DPP8: variants seen among roughly 807,000 people sequenced by gnomAD.
DPP8 encodes the protein dipeptidyl peptidase 8, also known as DPP VIII.
Under a neutral mutation model 107.5 loss-of-function variants are expected in DPP8, and 31 were observed. That is an observed-to-expected ratio of 0.29 (90% confidence interval 0.22 to 0.39). The LOEUF (loss-of-function observed/expected upper bound fraction) is 0.39. DPP8 is among the 10% of genes least tolerant of loss of function. The probability of loss-of-function intolerance (pLI) is 1.00; values close to 1 mark genes in which losing one functional copy is unlikely to be tolerated. For missense variants in DPP8, 842 were observed against 1,076.1 expected (o/e 0.78, Z 3.04); for synonymous variants, 381 against 356.6 (o/e 1.07, Z -0.77).
intron 15 of DPP8, among the ~76,000 whole-genome samples, chr15:65,463,325 G>C (rs1188318542): frequency 6.6e-6 from 1 of 152,134 alleles, no homozygotes; most frequent in East Asian, 1.9e-4. Context: ...GGTCACTTGA[G>C]GTCAGGAGTT....
chr15:65,485,015 A>T, intron 8 of DPP8, 84 bp downstream of exon 8: 1 of 1,120,954 alleles, frequency 8.9e-7, no homozygotes, highest in South Asian at 1.3e-5. Context: ...AAGTCCAAAA[A>T]TAAAAAAGTG....
chr15:65,497,087 AT>A (rs2068682047), intron 5 of DPP8, among the ~76,000 whole-genome samples: 1 of 152,024 alleles, frequency 6.6e-6, no homozygotes, highest in Non-Finnish European at 1.5e-5. Flanking sequence ...ACAGGGTTTC[AT>A]CACGTTGGCC....
At chr15:65,475,060 G>T (rs906539440) in intron 11 of DPP8, among the ~76,000 whole-genome samples, 3 of 151,216 alleles carry the variant, frequency 2.0e-5, no homozygotes, top group African/African-American at 7.3e-5. Context: ...TTTTCTTTTT[G>T]TAAAACTTTC....
chr15:65,463,401 G>A (rs1389402394), intron 15 of DPP8, among the ~76,000 whole-genome samples: 2 of 152,138 alleles, frequency 1.3e-5, no homozygotes, highest in Non-Finnish European at 2.9e-5. Context: ...AATTAGCTGG[G>A]CATGGTGATG....
intron 19 of DPP8, among the ~76,000 whole-genome samples, chr15:65,448,597 G>A (rs1345961784): frequency 2.7e-5 from 4 of 147,192 alleles, no homozygotes; most frequent in Non-Finnish European, 4.5e-5. Flanking sequence ...GCGTGAACCC[G>A]GGAGGCGGAG....
rs190936948 is a variant in DPP8, at chr15:65,486,425, G to A, written c.955+1265C>T. Reference sequence around the variant, plus strand: ...CAAAAACAAAAAACAAAAATTAGCCGCACCAGGCTGGTCGAGCTACTCAGG... The same window carrying A: ...CAAAAACAAAAAACAAAAATTAGCCACACCAGGCTGGTCGAGCTACTCAGG... On this transcript the variant is annotated intron_variant, in intron 7 of 19. Coordinates refer to ENST00000300141, the MANE Select transcript of DPP8 (RefSeq NM_130434.5). 5.9e-4 allele frequency among the ~76,000 whole-genome samples: 90 copies of A among 151,652 alleles called. 1 individual carries two copies. The highest frequency in any genetic ancestry group is 2.1e-3 in the African/African-American group (86 of 41,390).
chr15:65,456,535 T>G (rs1011873866), intron 15 of DPP8, among the ~76,000 whole-genome samples, 164 bp from the exon 16 acceptor site: 4 of 152,236 alleles, frequency 2.6e-5, no homozygotes, highest in Non-Finnish European at 5.9e-5. Context: ...GTTTATTTGC[T>G]TCTTGCTTAA....
intron 3 of DPP8, among the ~76,000 whole-genome samples, chr15:65,504,752 T>C (rs968799463): frequency 1.0e-4 from 14 of 135,660 alleles, no homozygotes; most frequent in Middle Eastern, 9.3e-3. Context: ...AAGGTCAAGG[T>C]GGGAGGATCG....
chr15:65,493,416 C>T (rs1345684966), intron 5 of DPP8, among the ~76,000 whole-genome samples: 1 of 152,116 alleles, frequency 6.6e-6, no homozygotes, highest in Admixed American at 6.6e-5. Flanking sequence ...TACCATAATA[C>T]ATTATGTAAT....
At chr15:65,470,042 C>T (rs1459299319) in intron 12 of DPP8, among the ~76,000 whole-genome samples, 2 of 150,824 alleles carry the variant, frequency 1.3e-5, no homozygotes, top group African/African-American at 4.9e-5. Flanking sequence ...GTTAAAAACA[C>T]AAAAATTAGC....
At chr15:65,507,010 A>T (rs182120958) in intron 3 of DPP8, among the ~76,000 whole-genome samples, 1 of 152,160 alleles carries the variant, frequency 6.6e-6, no homozygotes, top group Non-Finnish European at 1.5e-5. Context: ...TACAAAGTTT[A>T]TGAAGGGAAA....
intron 10 of DPP8, among the ~76,000 whole-genome samples, chr15:65,479,797 T>C (rs386765): frequency 0.062 from 8,934 of 143,044 alleles, 266 homozygotes; most frequent in African/African-American, 0.089. Context: ...TGAGCCGAGA[T>C]TGCACCACTG....
intron 15 of DPP8, among the ~76,000 whole-genome samples, chr15:65,462,830 C>T (rs796680732): frequency 1.3e-5 from 2 of 152,190 alleles, no homozygotes; most frequent in South Asian, 2.1e-4. Context: ...CTGCCCACCT[C>T]GGCCTCCCAA....
intron 10 of DPP8, among the ~76,000 whole-genome samples, chr15:65,479,716 C>T (rs2066724580): frequency 6.6e-6 from 1 of 151,506 alleles, no homozygotes; most frequent in South Asian, 2.1e-4. Flanking sequence ...CGGTGGCGGG[C>T]GCCTGTAGTC....
chr15:65,490,182 C>A lies in DPP8; in HGVS notation c.826+7G>T. The A allele has an allele frequency of 7.1e-7, 1 of 1,417,336 alleles. No individual in the cohort carries two copies. The highest frequency in any genetic ancestry group is 1.1e-5 in the South Asian group (1 of 87,060). 87.8% of individuals were successfully genotyped at this position (1,417,336 alleles called of 1,614,324 possible). A position where few individuals can be genotyped will look rare whatever the true frequency, so the allele number is the denominator to read the frequency against. On this transcript the variant is annotated splice_region_variant and intron_variant, in intron 6 of 19. Transcript: ENST00000300141. ...GACCCATAATATATTATTTTGAACC[C>A]CCTTACTTGTTTCAGCTTTTGGACA... is the stretch of plus-strand genomic sequence containing the variant.
intron 14 of DPP8, among the ~76,000 whole-genome samples, chr15:65,464,310 C>A (rs1328911813): frequency 6.6e-6 from 1 of 151,954 alleles, no homozygotes; most frequent in Non-Finnish European, 1.5e-5. Context: ...TTGCAGTGAG[C>A]TGAGATCACG....
rs776891633 is a variant in DPP8, at chr15:65,474,195, A to G, written c.1536+14T>C. The G allele has an allele frequency of 1.2e-5, 19 of 1,580,130 alleles. No homozygotes were observed. Among genetic ancestry groups the G allele is most frequent in the Middle Eastern group, 1.7e-4 (1 of 6,022 alleles). On this transcript the variant is annotated intron_variant, in intron 12 of 19. Transcript: ENST00000300141. ...AATACTGACCAAACATATCAGTAGA[A>G]TAAAATAACATACATTAGATCCATG...
Position 65,450,896 on chromosome 15 carries a change from G to A in DPP8, c.2526+103C>T, listed in dbSNP as rs1044363416. 9.8e-6 allele frequency: 7 copies of A among 715,134 alleles called. No homozygotes were observed. The East Asian group carries it at 1.3e-4, about 13-fold the overall frequency. The allele number at this position is 715,134 out of a possible 1,614,324, so 44.3% of individuals were successfully genotyped here. On this transcript the variant is annotated intron_variant, in intron 19 of 19. Transcript: ENST00000300141. Reference sequence around the variant, plus strand: ...TTACTTTAGTTCTCTTAAGCAGAGGGTGGACACTCTAAAAATCTGGACTTA... The same window carrying A: ...TTACTTTAGTTCTCTTAAGCAGAGGATGGACACTCTAAAAATCTGGACTTA...
In DPP8 at chr15:65,447,045, AG is replaced by A. The variant is rs776895546; in HGVS notation, c.2527-40del. On this transcript the variant is annotated intron_variant, in intron 19 of 19. Transcript: ENST00000300141. The stretch of plus-strand genomic sequence containing the variant: ...AAAAATAAAGATACAAAAAAAAAAA[AG>A]AATTTAGTAATACATCTTCTTCCAA... 6 of 1,466,032 alleles carry A rather than the reference AG, an allele frequency of 4.1e-6. No individual in the cohort carries two copies. In the African/African-American group the frequency reaches 7.2e-5, roughly 18 times the overall value. The allele number at this position is 1,466,032 out of a possible 1,614,324, so 90.8% of individuals were successfully genotyped here. A position where few individuals can be genotyped will look rare whatever the true frequency, so the allele number is the denominator to read the frequency against.
Sources: gnomAD v4.1 joint callset for allele counts (sites outside exome capture counted in the v4.1 genomes callset) on GRCh38, gnomAD v4.1.1 for gene constraint, MANE v1.5 for transcripts, NCBI Gene and HGNC (gene_info 2026-07-23, HGNC 2026-07-21) for gene names.